PDE1A: variants seen among roughly 807,000 people sequenced by gnomAD.
PDE1A encodes phosphodiesterase 1A.
PDE1A carries 35 observed loss-of-function variants against 61.7 expected under a neutral mutation model. The observed-to-expected ratio is 0.57, with a 90% CI of 0.43 to 0.75. The LOEUF is 0.75. Among genes scored for constraint, PDE1A ranks in the 30% least tolerant of loss-of-function variants. The pLI is 0.00. For missense variants in PDE1A, 597 were observed against 630.6 expected, an observed-to-expected ratio of 0.95 and a Z score of 0.57; for synonymous variants, 232 against 213.2, an observed-to-expected ratio of 1.09 and a Z score of -0.77.
chr2:182,305,606 A>G (rs1695528765), intron 1 of PDE1A, among the ~76,000 whole-genome samples: 1 of 152,190 alleles, frequency 6.6e-6, no homozygotes, highest in Admixed American at 6.5e-5. Context: ...CTCTATAAAG[A>G]GATTATAAAG....
the PDE1A span, among the ~76,000 whole-genome samples, chr2:182,544,312 T>C: frequency 6.6e-5 from 10 of 152,240 alleles, no homozygotes; most frequent in South Asian, 2.1e-4. Context: ...ACAAAAGTAA[T>C]TGAAGTAAAA....
At chr2:182,296,509 C>A (rs973665461) in intron 1 of PDE1A, among the ~76,000 whole-genome samples, 2 of 152,048 alleles carry the variant, frequency 1.3e-5, no homozygotes, top group African/African-American at 2.4e-5. Flanking sequence ...GGTATAGATA[C>A]CGATATAGAT....
chr2:182,531,943 T>C, the PDE1A span, among the ~76,000 whole-genome samples: 1 of 152,100 alleles, frequency 6.6e-6, no homozygotes, highest in South Asian at 2.1e-4. Context: ...AGTGAGAACA[T>C]GTTGTATTTG....
the PDE1A span, among the ~76,000 whole-genome samples, chr2:182,607,363 G>A: frequency 6.6e-6 from 1 of 152,172 alleles, no homozygotes; most frequent in Non-Finnish European, 1.5e-5. Flanking sequence ...AGGCAGGAAA[G>A]CCAAAGTATG....
downstream of PDE1A, among the ~76,000 whole-genome samples, chr2:182,165,186 T>C (rs2125306410): frequency 6.6e-6 from 1 of 152,224 alleles, no homozygotes; most frequent in South Asian, 2.1e-4. Context: ...TAGGTAGAAA[T>C]GGAAGTGGAA....
the PDE1A span, among the ~76,000 whole-genome samples, chr2:182,563,877 C>A: frequency 1.1e-4 from 16 of 152,148 alleles, no homozygotes; most frequent in African/African-American, 3.9e-4. Context: ...GGATTGCAAC[C>A]CCTGCCTTTT....
At chr2:182,332,199 T>C (rs1697459948) in intron 1 of PDE1A, among the ~76,000 whole-genome samples, 1 of 152,220 alleles carries the variant, frequency 6.6e-6, no homozygotes, top group Non-Finnish European at 1.5e-5. Context: ...TTCAGCTCCA[T>C]CAGGTCTTTT....
At chr2:182,643,606 T>C in the PDE1A span, among the ~76,000 whole-genome samples, 3 of 152,322 alleles carry the variant, frequency 2.0e-5, no homozygotes, top group Non-Finnish European at 2.9e-5. Context: ...AGTGAAGGCA[T>C]GTAGAAGTAG....
intron 7 of PDE1A, among the ~76,000 whole-genome samples, chr2:182,217,489 A>C (rs57340894): frequency 5.4e-3 from 719 of 134,202 alleles, no homozygotes; most frequent in African/African-American, 0.019. Flanking sequence ...GCAACCTACA[A>C]AATGGGAGAA....
chr2:182,232,362 G>A lies in PDE1A; in HGVS notation c.418-1231C>T, dbSNP rs1003885292. ...AGGTTTAGTATTGAACAGTAAGTGG[G>A]CAACCATAAAGCTATGCGTTAATTT... On this transcript the variant is annotated intron_variant, in intron 4 of 13. Coordinates refer to ENST00000351439, the Ensembl canonical transcript of PDE1A. 7.9e-5 allele frequency among the ~76,000 whole-genome samples: 12 copies of A among 152,286 alleles called. No homozygotes were observed. In the South Asian group the frequency reaches 2.5e-3, roughly 32 times the overall value.
At position 182,465,694 on chromosome 2, in the gene PDE1A, T is replaced by A. The variant is rs1160152745; in HGVS notation, c.101+56582A>T. 2.0e-5 allele frequency among the ~76,000 whole-genome samples: 3 copies of A among 152,188 alleles called. No individual in the cohort carries two copies. In the East Asian group the frequency reaches 5.8e-4, roughly 29 times the overall value. On this transcript the variant is annotated intron_variant, in intron 2 of 14. Transcript: ENST00000410103. ...CAGTAGACACAAATATTTACTGACT[T>A]CACGTCTGCTGAATTTAGTTATCCA... is the stretch of plus-strand genomic sequence containing the variant.
the PDE1A span, among the ~76,000 whole-genome samples, chr2:182,649,602 C>T: frequency 2.6e-5 from 3 of 113,578 alleles, no homozygotes; most frequent in African/African-American, 1.1e-4. Flanking sequence ...AGACCCCACT[C>T]TATACAAAAA....
chr2:182,351,561 G>A (rs185490388), intron 1 of PDE1A, among the ~76,000 whole-genome samples: 2 of 152,226 alleles, frequency 1.3e-5, no homozygotes, highest in African/African-American at 4.8e-5. Flanking sequence ...ATTCCGACAG[G>A]GTGATATCAG....
Position 182,240,200 on chromosome 2 carries a change from C to T in PDE1A, c.260G>A (p.Arg87Gln), listed in dbSNP as rs761155078. 2.2e-5 allele frequency: 36 copies of T among 1,613,656 alleles called. 1 individual carries two copies. The highest frequency in any genetic ancestry group is 1.1e-4 in the South Asian group (10 of 91,028). The change falls in exon 3 of 14, where the codon CGG becomes CAG. Residue 87 changes from arginine (R) to glutamine (Q), a missense_variant. By Grantham distance (43) the Arg-to-Gln change is conservative. Coordinates refer to ENST00000351439, the Ensembl canonical transcript of PDE1A. ...TTTCTTTTTTGTCATCCCCATTTTCCGTGTAAAGGTAGAAGCCAACCAGTC... is the reference window on the plus strand; with the variant it reads ...TTTCTTTTTTGTCATCCCCATTTTCTGTGTAAAGGTAGAAGCCAACCAGTC...
At chr2:182,525,522 G>T (rs1356032521), upstream of PDE1A, among the ~76,000 whole-genome samples, 1 of 152,074 alleles carries the variant, frequency 6.6e-6, no homozygotes, top group African/African-American at 2.4e-5. Context: ...GGAGGTGATT[G>T]GATCATGGGG....
the PDE1A span, among the ~76,000 whole-genome samples, chr2:182,643,735 A>AG: frequency 9.8e-5 from 15 of 152,320 alleles, no homozygotes; most frequent in Non-Finnish European, 1.8e-4. Context: ...GCTACTGTTC[A>AG]GGGGGACACT....
At chr2:182,658,746 T>C in the PDE1A span, among the ~76,000 whole-genome samples, 1 of 152,232 alleles carries the variant, frequency 6.6e-6, no homozygotes. Flanking sequence ...ACAAATAGTA[T>C]AAGTTCTCTC....
At chr2:182,552,633 C>A in the PDE1A span, among the ~76,000 whole-genome samples, 1 of 151,768 alleles carries the variant, frequency 6.6e-6, no homozygotes, top group African/African-American at 2.4e-5. Context: ...ACTTAGCTCA[C>A]GCCCAACCAA....
chr2:182,165,130 T>C (rs6734447), downstream of PDE1A, among the ~76,000 whole-genome samples: 1,707 of 152,232 alleles, frequency 0.011, 22 homozygotes, highest in African/African-American at 0.039. Context: ...ATCCAATATA[T>C]GGTACTGTTT....
Sources: allele counts gnomAD v4.1 joint callset (sites outside exome capture counted in the v4.1 genomes callset), GRCh38; gene constraint gnomAD v4.1.1; transcripts MANE v1.5; gene names NCBI Gene and HGNC (gene_info 2026-07-23, HGNC 2026-07-21).